The following BRDT variants were observed in gnomAD, a reference collection of about 807,000 sequenced individuals.
BRDT encodes the protein bromodomain testis-specific protein.
Under a neutral mutation model 113.9 loss-of-function variants are expected in BRDT, and 77 were observed. The observed-to-expected ratio is 0.68, with a 90% CI of 0.56 to 0.82. The LOEUF (loss-of-function observed/expected upper bound fraction) is 0.82, where lower values mean the gene tolerates loss of function less well. Among genes scored for constraint, BRDT ranks in the 40% least tolerant of loss-of-function variants. The pLI, the probability that BRDT is intolerant of heterozygous loss-of-function variation, is 0.00. For synonymous variants in BRDT, 358 were observed against 366.5 expected, an observed-to-expected ratio of 0.98 and a Z score of 0.26; for missense variants, 1,027 against 1,105.4, an observed-to-expected ratio of 0.93 and a Z score of 1.01.
At chr1:91,986,638 T>C (rs1685266285) in intron 12 of BRDT, among the ~76,000 whole-genome samples, 1 of 152,206 alleles carries the variant, frequency 6.6e-6, no homozygotes, top group Non-Finnish European at 1.5e-5. Flanking sequence ...TTAAATAACA[T>C]TTGTTTCTTT....
intron 1 of BRDT, among the ~76,000 whole-genome samples, chr1:91,956,463 A>G (rs1681778515): frequency 6.6e-6 from 1 of 152,200 alleles, no homozygotes; most frequent in South Asian, 2.1e-4. Flanking sequence ...GCAGTGTTCT[A>G]TATCTGCATT....
chr1:91,967,782 G>A (rs995996844), intron 3 of BRDT, among the ~76,000 whole-genome samples: 4 of 151,914 alleles, frequency 2.6e-5, no homozygotes, highest in Admixed American at 6.6e-5. Flanking sequence ...ATCTACCCCC[G>A]CCAGCCTCCA....
At chr1:91,971,120 G>T (rs927067926) in intron 4 of BRDT, among the ~76,000 whole-genome samples, 1 of 151,866 alleles carries the variant, frequency 6.6e-6, no homozygotes, top group Non-Finnish European at 1.5e-5. Context: ...GTAGGGGAGA[G>T]GTGCTCTTTT....
intron 3 of BRDT, among the ~76,000 whole-genome samples, chr1:91,967,387 A>ACC (rs1173460072): frequency 1.5e-5 from 2 of 135,152 alleles, no homozygotes; most frequent in East Asian, 2.2e-4. Context: ...AGGCATGCGC[A>ACC]ACCGCACCTG....
In BRDT at chr1:91,978,283, C is replaced by T; in HGVS notation, c.1085C>T (p.Ala362Val). The stretch of plus-strand genomic sequence containing the variant: ...CCAGATCACGAAGTTGTGACAATGG[C>T]AAGAATGCTTCAGGTGAGCTGTTAC... ...NPPDHEVVTMARMLQDVFETH... is the reference protein window; with the variant it reads ...NPPDHEVVTMVRMLQDVFETH... Residue 362 changes from alanine (A) to valine (V), a missense_variant, in exon 7 of 19, where the codon GCA (alanine) becomes GTA (valine). Physicochemically the swap from Ala to Val is moderately conservative, Grantham distance 64. Transcript: ENST00000399546. 1 of 1,614,022 alleles carries T rather than the reference C, an allele frequency of 6.2e-7. No individual in the cohort carries two copies. The highest frequency in any genetic ancestry group is 8.5e-7 in the Non-Finnish European group (1 of 1,179,972).
chr1:91,992,156 A>G (rs991328148), intron 13 of BRDT, 108 bp from the exon 14 acceptor site: 4 of 555,478 alleles, frequency 7.2e-6, no homozygotes, highest in South Asian at 5.8e-5. Context: ...GGGAAACACA[A>G]TAATAAATAA....
intron 16 of BRDT, among the ~76,000 whole-genome samples, chr1:92,004,171 G>A (rs966398470): frequency 3.9e-5 from 6 of 151,940 alleles, no homozygotes; most frequent in African/African-American, 1.4e-4. Context: ...AAAATAATTG[G>A]CAAGTGTGCT....
intron 14 of BRDT, among the ~76,000 whole-genome samples, chr1:91,993,040 T>G (rs1356835227): frequency 3.3e-5 from 5 of 152,218 alleles, no homozygotes; most frequent in Non-Finnish European, 5.9e-5. Context: ...AAAATGCCTA[T>G]TTATGGTAAA....
intron 15 of BRDT, among the ~76,000 whole-genome samples, chr1:91,995,640 G>GT (rs779911992): frequency 0.02 from 2,758 of 136,140 alleles, 32 homozygotes; most frequent in Non-Finnish European, 0.026. Flanking sequence ...TTTTTTTGTA[G>GT]TTTTTTTTTT....
At chr1:91,953,038 G>A (rs1318931818) in intron 1 of BRDT, among the ~76,000 whole-genome samples, 2 of 151,992 alleles carry the variant, frequency 1.3e-5, no homozygotes, top group African/African-American at 4.8e-5. Context: ...TGCCGTGTTG[G>A]TGTGCTGCAC....
rs752459569 is a variant in BRDT, at chr1:91,979,639, A to G, written c.1169A>G (p.Lys390Arg). ...PVESMPLCYI[K>R]TDITETTGRE... ...GAGAGTATGCCTTTATGTTACATCA[A>G]AACAGATATCACAGAAACCACTGGT... Residue 390 changes from lysine (K) to arginine (R), a missense_variant, in exon 8 of 19, where the codon AAA (lysine) becomes AGA (arginine). By Grantham distance (26) the Lys-to-Arg change is conservative (BLOSUM62 2). Coordinates refer to ENST00000399546, the MANE Select transcript of BRDT (RefSeq NM_207189.4). 2.5e-6 allele frequency: 4 copies of G among 1,614,086 alleles called. No individual in the cohort carries two copies. The highest frequency in any genetic ancestry group is 2.2e-5 in the East Asian group (1 of 44,868).
chr1:91,981,524 A>G (rs1684729907), intron 11 of BRDT, 94 bp from the exon 12 acceptor site: 2 of 1,563,644 alleles, frequency 1.3e-6, no homozygotes, highest in Non-Finnish European at 1.7e-6. Flanking sequence ...GATTACAGGC[A>G]TGCGCGACCA....
At position 91,979,609 on chromosome 1, in the gene BRDT, CTG is replaced by C; in HGVS notation, c.1141_1142del (p.Val381Ter). On this transcript the variant is annotated frameshift_variant, in exon 8 of 19. Coordinates refer to ENST00000399546, the MANE Select transcript of BRDT (RefSeq NM_207189.4). LOFTEE classifies it high-confidence loss of function. Reference sequence around the variant, plus strand: ...CATTTTTCAAAGATCCCGATTGAACCTGTTGAGAGTATGCCTTTATGTTACAT... The same window carrying C: ...CATTTTTCAAAGATCCCGATTGAACCTTGAGAGTATGCCTTTATGTTACAT... 6.2e-7 allele frequency: 1 copy of C among 1,612,062 alleles called. No homozygotes were observed. The highest frequency in any genetic ancestry group is 8.5e-7 in the Non-Finnish European group (1 of 1,179,568).
At chr1:91,980,860 A>G (rs771963150) in intron 9 of BRDT, 29 bp from the exon 10 acceptor site, 3 of 1,593,056 alleles carry the variant, frequency 1.9e-6, no homozygotes, top group Admixed American at 1.8e-5. Flanking sequence ...AATAACGATA[A>G]GTTGGACTAA....
chr1:91,992,278 A>G lies in BRDT; in HGVS notation c.2079A>G (p.Glu693=), dbSNP rs550161027. The G allele has an allele frequency of 4.0e-6, 6 of 1,500,438 alleles. No individual in the cohort carries two copies. The Admixed American group carries it at 1.3e-4, about 33-fold the overall frequency. The allele number at this position is 1,500,438 out of a possible 1,614,324, so 92.9% of individuals were successfully genotyped here. A position where few individuals can be genotyped will look rare whatever the true frequency, so the allele number is the denominator to read the frequency against. ...ATTATTTTTAGAAAATGAAGAATGA[A>G]TGCATACCGCCTGAAGGAAGAACAG... ...SKENVKKMKN[E]CIPPEGRTGV... The change falls in exon 14 of 19, where the codon GAA becomes GAG. Residue 693 remains glutamate, a synonymous_variant. Transcript: ENST00000399546.
At chr1:91,959,826 G>A (rs897247828) in intron 1 of BRDT, among the ~76,000 whole-genome samples, 9 of 152,222 alleles carry the variant, frequency 5.9e-5, no homozygotes, top group Admixed American at 2.0e-4. Context: ...TGTGTAACAT[G>A]AAAATCGTGA....
At chr1:91,951,319 C>T (rs1681051792) in intron 1 of BRDT, among the ~76,000 whole-genome samples, 1 of 152,034 alleles carries the variant, frequency 6.6e-6, no homozygotes. Flanking sequence ...TATGTGGTGA[C>T]TAGTGATTGA....
rs756658744 is a variant in BRDT, at chr1:91,980,923, C to T, written c.1495C>T (p.Leu499=). 1.9e-6 allele frequency: 3 copies of T among 1,611,368 alleles called. No homozygotes were observed. In the African/African-American group the frequency reaches 4.0e-5, roughly 22 times the overall value. The stretch of plus-strand genomic sequence containing the variant: ...GAAAAGGAAACAACAGTTCATTGGT[C>T]TAAAATCTGAAGATGAAGATAATGC... ...PKKRKQQFIG[L]KSEDEDNAKP... Residue 499 remains leucine, a synonymous_variant, in exon 10 of 19, where the codon CTA becomes TTA. Coordinates refer to ENST00000399546, the MANE Select transcript of BRDT (RefSeq NM_207189.4).
At chr1:92,003,912 C>T (rs1219007713) in intron 16 of BRDT, among the ~76,000 whole-genome samples, 4 of 152,112 alleles carry the variant, frequency 2.6e-5, no homozygotes, top group Admixed American at 2.6e-4. Context: ...CATGGTGTAT[C>T]TTGTTTAAGA....
Sources: gnomAD v4.1 joint callset for allele counts (sites outside exome capture counted in the v4.1 genomes callset) on GRCh38, gnomAD v4.1.1 for gene constraint, MANE v1.5 for transcripts, NCBI Gene and HGNC (gene_info 2026-07-23, HGNC 2026-07-21) for gene names.